Variants in CXCL13 observed in about 807,000 individuals in gnomAD.
The protein encoded by CXCL13 is C-X-C motif chemokine ligand 13.
Under a neutral mutation model 12.2 loss-of-function variants are expected in CXCL13, and 7 were observed. That is an observed-to-expected ratio of 0.57 (90% CI 0.33 to 1.07). The LOEUF (loss-of-function observed/expected upper bound fraction) is 1.07, where lower values mean the gene tolerates loss of function less well. Among genes scored for constraint, CXCL13 ranks in the 50% least tolerant of loss-of-function variants. The probability of loss-of-function intolerance (pLI) is 0.04; values close to 1 mark genes in which losing one functional copy is unlikely to be tolerated. For missense variants in CXCL13, 113 were observed against 127.4 expected (o/e 0.89, Z 0.55); for synonymous variants, 47 against 42.4 (o/e 1.11, Z -0.42).
At chr4:77,516,760 C>T (rs539279869) in intron 1 of CXCL13, among the ~76,000 whole-genome samples, 1 of 152,232 alleles carries the variant, frequency 6.6e-6, no homozygotes, top group East Asian at 1.9e-4. Context: ...AAAAAACCAG[C>T]TCCTGGATTC....
At chr4:77,596,039 A>G (rs556991902) in intron 1 of CXCL13, among the ~76,000 whole-genome samples, 2 of 152,336 alleles carry the variant, frequency 1.3e-5, no homozygotes, top group East Asian at 3.9e-4. Context: ...TGTTGACCTA[A>G]TCATACTCAA....
chr4:77,579,299 G>C (rs1206359572), intron 1 of CXCL13, among the ~76,000 whole-genome samples: 1 of 152,186 alleles, frequency 6.6e-6, no homozygotes, highest in African/African-American at 2.4e-5. Context: ...GGCTCTTAAG[G>C]AGTCAATCTC....
At chr4:77,602,510 CT>C (rs1170839137), upstream of CXCL13, among the ~76,000 whole-genome samples, 1 of 152,102 alleles carries the variant, frequency 6.6e-6, no homozygotes, top group African/African-American at 2.4e-5. Context: ...ACCTGAGATT[CT>C]ACATTTTAAA....
At chr4:77,579,287 G>C (rs1050972950) in intron 1 of CXCL13, among the ~76,000 whole-genome samples, 2 of 152,168 alleles carry the variant, frequency 1.3e-5, no homozygotes, top group Non-Finnish European at 2.9e-5. Flanking sequence ...CCAACCCCCA[G>C]AGGCTCTTAA....
rs181366668 is a variant in CXCL13, at chr4:77,550,542, A to G, written c.-43+38754A>G. 3.3e-5 allele frequency among the ~76,000 whole-genome samples: 5 copies of G among 152,300 alleles called. No individual in the cohort carries two copies. The South Asian group carries it at 6.2e-4, about 19-fold the overall frequency. On this transcript the variant is annotated intron_variant, in intron 1 of 4. Coordinates refer to the CXCL13 transcript ENST00000286758. ...ACTGAGCCTTGTTTTGTGGCCAAGC[A>G]TGTGGTTGATTTAAGAATATGTTCT... is the stretch of plus-strand genomic sequence containing the variant.
chr4:77,526,083 G>A (rs140601516), intron 1 of CXCL13, among the ~76,000 whole-genome samples: 4 of 152,190 alleles, frequency 2.6e-5, no homozygotes, highest in Admixed American at 1.3e-4. Flanking sequence ...GGTCCACAGA[G>A]AAGACTGCAG....
chr4:77,601,653 C>A (rs1286417368), upstream of CXCL13, among the ~76,000 whole-genome samples: 2 of 152,230 alleles, frequency 1.3e-5, no homozygotes, highest in Non-Finnish European at 2.9e-5. Context: ...GCTTCACTTG[C>A]AAACTAAGCA....
intron 1 of CXCL13, among the ~76,000 whole-genome samples, chr4:77,520,586 A>G (rs936579358): frequency 6.6e-6 from 1 of 152,218 alleles, no homozygotes; most frequent in African/African-American, 2.4e-5. Context: ...ACTTTGCTGA[A>G]GTTGCTTATC....
chr4:77,521,155 C>T (rs1578033804), intron 1 of CXCL13, among the ~76,000 whole-genome samples: 2 of 152,302 alleles, frequency 1.3e-5, no homozygotes, highest in African/African-American at 4.8e-5. Flanking sequence ...GGGTGTTCAT[C>T]AGGGATATTG....
chr4:77,515,213 T>C (rs1724384988), intron 1 of CXCL13, among the ~76,000 whole-genome samples: 1 of 152,210 alleles, frequency 6.6e-6, no homozygotes, highest in African/African-American at 2.4e-5. Flanking sequence ...ACTGTAGCCT[T>C]GTAGTATAGT....
intron 1 of CXCL13, among the ~76,000 whole-genome samples, chr4:77,532,669 A>C (rs1373422029): frequency 1.3e-5 from 2 of 152,148 alleles, no homozygotes; most frequent in African/African-American, 4.8e-5. Context: ...TCTCCCCGTC[A>C]CTTTCAGGTA....
At chr4:77,555,169 T>A (rs1162111180) in intron 1 of CXCL13, among the ~76,000 whole-genome samples, 1 of 151,922 alleles carries the variant, frequency 6.6e-6, no homozygotes, top group Non-Finnish European at 1.5e-5. Flanking sequence ...AAATTGTTGT[T>A]TCTAATTAGA....
Position 77,532,286 on chromosome 4 carries a change from T to C in CXCL13, c.-43+20498T>C, listed in dbSNP as rs554517181. On this transcript the variant is annotated intron_variant, in intron 1 of 4. Coordinates refer to the CXCL13 transcript ENST00000286758. ...GCATTTGCTTGTCTGTAAAGTATTT[T>C]ATTTCTCCTTCACTTATGAAGCTTA... Among the ~76,000 whole-genome samples, 9 of 152,336 alleles carry C rather than the reference T, an allele frequency of 5.9e-5. No homozygotes were observed. The East Asian group carries it at 1.7e-3, about 29-fold the overall frequency.
rs182879566 is a variant in CXCL13, at chr4:77,576,468, G to A, written c.-42-29356G>A. ...TGGCAATATAATTGTTTGCATCAGT[G>A]CAACAAGAATCCACTTTCTTGCAAA... On this transcript the variant is annotated intron_variant, in intron 1 of 4. Coordinates refer to the CXCL13 transcript ENST00000286758. 3.0e-3 allele frequency among the ~76,000 whole-genome samples: 458 copies of A among 152,308 alleles called. 3 individuals are homozygous for A. Among genetic ancestry groups the A allele is most frequent in the African/African-American group, 0.011 (444 of 41,564 alleles).
chr4:77,534,003 C>T (rs986526338), intron 1 of CXCL13, among the ~76,000 whole-genome samples: 1 of 152,208 alleles, frequency 6.6e-6, no homozygotes, highest in Non-Finnish European at 1.5e-5. Context: ...ATGTGCTGCC[C>T]TGCTTTGGCT....
At chr4:77,541,859 C>A (rs1373787236) in intron 1 of CXCL13, among the ~76,000 whole-genome samples, 6 of 152,058 alleles carry the variant, frequency 3.9e-5, no homozygotes, top group Non-Finnish European at 8.8e-5. Context: ...GAATGTTTTT[C>A]CATTTGTTTA....
intron 1 of CXCL13, among the ~76,000 whole-genome samples, chr4:77,585,292 G>A (rs1027797331): frequency 2.6e-5 from 4 of 152,200 alleles, no homozygotes; most frequent in East Asian, 3.8e-4. Flanking sequence ...GGAGCAGGGG[G>A]ACTTGGTTAA....
At chr4:77,600,812 T>C (rs1468775537) in intron 1 of CXCL13, among the ~76,000 whole-genome samples, 1 of 152,154 alleles carries the variant, frequency 6.6e-6, no homozygotes, top group Non-Finnish European at 1.5e-5. Context: ...AATAAGGAGT[T>C]GGATTTGGGC....
At chr4:77,516,161 C>G (rs1051286890) in intron 1 of CXCL13, among the ~76,000 whole-genome samples, 1 of 152,180 alleles carries the variant, frequency 6.6e-6, no homozygotes, top group Admixed American at 6.5e-5. Flanking sequence ...ATGAAGCCCA[C>G]TTGATCATGG....
Sources: allele counts gnomAD v4.1 joint callset (sites outside exome capture counted in the v4.1 genomes callset), GRCh38; gene constraint gnomAD v4.1.1; transcripts MANE v1.5; gene names NCBI Gene and HGNC (gene_info 2026-07-23, HGNC 2026-07-21).